Variants in ADAP1 observed in about 807,000 individuals in gnomAD.
The protein encoded by ADAP1 is ArfGAP with dual PH domains 1, also known as arf-GAP with dual PH domain-containing protein 1.
ADAP1 carries 31 observed loss-of-function variants against 54.9 expected under a neutral mutation model. The observed-to-expected ratio is 0.56, with a 90% CI of 0.42 to 0.76. ADAP1 has a LOEUF of 0.76. Among genes scored for constraint, ADAP1 ranks in the 30% least tolerant of loss-of-function variants. ADAP1 has a pLI of 0.00. For synonymous variants in ADAP1, 313 were observed against 202.6 expected (o/e 1.55, Z -4.63); for missense variants, 535 against 512.4 (o/e 1.04, Z -0.42).
At chr7:947,509 C>A (rs982567261) in intron 1 of ADAP1, among the ~76,000 whole-genome samples, 6 of 152,074 alleles carry the variant, frequency 3.9e-5, no homozygotes, top group African/African-American at 1.5e-4. Flanking sequence ...CAGGTCCCTC[C>A]CGTCTCCCTG....
intron 5 of ADAP1, 21 bp from the exon 6 acceptor site, chr7:904,293 A>C (rs752908412): frequency 6.4e-7 from 1 of 1,558,046 alleles, no homozygotes; most frequent in South Asian, 1.2e-5. Context: ...GTGGGGTCTA[A>C]GCACCTCACA....
At chr7:925,339 AG>A (rs952201069) in intron 3 of ADAP1, among the ~76,000 whole-genome samples, 1 of 138,472 alleles carries the variant, frequency 7.2e-6, no homozygotes, top group African/African-American at 2.7e-5. Flanking sequence ...TGGGCAATGT[AG>A]GGAGACCCCG....
intron 8 of ADAP1, 112 bp downstream of exon 8, chr7:899,990 C>G (rs769314165): frequency 1.4e-5 from 18 of 1,311,594 alleles, no homozygotes; most frequent in Admixed American, 1.8e-5. Context: ...TGAGGACCCA[C>G]CAGACACCAG....
At chr7:902,140 G>A (rs1489031198) in intron 6 of ADAP1, among the ~76,000 whole-genome samples, 1 of 151,188 alleles carries the variant, frequency 6.6e-6, no homozygotes, top group Non-Finnish European at 1.5e-5. Context: ...TGACCAACAT[G>A]GTGAAACCCG....
rs922432873 is a variant in ADAP1, at chr7:920,374, G to C, written c.306-324C>G. On this transcript the variant is annotated intron_variant, in intron 3 of 10. Transcript: ENST00000265846. The surrounding 1 kb of genome is among the most constrained non-coding windows in gnomAD (Gnocchi z 4.5). Reference sequence around the variant, plus strand: ...CCTTGGCCTCAGCTGATGCCCCACAGGGCTGGGGTACAGGGGTTGAGCCAG... The same window carrying C: ...CCTTGGCCTCAGCTGATGCCCCACACGGCTGGGGTACAGGGGTTGAGCCAG... 6.6e-5 allele frequency among the ~76,000 whole-genome samples: 10 copies of C among 152,090 alleles called. No individual in the cohort carries two copies. Among genetic ancestry groups the C allele is most frequent in the Non-Finnish European group, 1.2e-4 (8 of 67,990 alleles).
chr7:950,317 C>T (rs1217530301), intron 1 of ADAP1, among the ~76,000 whole-genome samples: 1 of 152,100 alleles, frequency 6.6e-6, no homozygotes, highest in Non-Finnish European at 1.5e-5. Context: ...AACCCCATCT[C>T]TACTAAAAAT....
In ADAP1 at chr7:926,360, G is replaced by GCGCCCCCCACCCCAGCGCCCCCCA. The variant is rs1368110845; in HGVS notation, c.305+192_305+193insTGGGGGGCGCTGGGGTGGGGGGCG. Among the ~76,000 whole-genome samples the GCGCCCCCCACCCCAGCGCCCCCCA allele has an allele frequency of 1.3e-5, 2 of 150,344 alleles. No homozygotes were observed. The highest frequency in any genetic ancestry group is 4.9e-5 in the African/African-American group (2 of 40,962). On this transcript the variant is annotated intron_variant, in intron 3 of 10. Transcript: ENST00000265846. The surrounding 1 kb of genome is among the most constrained non-coding windows in gnomAD (Gnocchi z 4.6). ...TCCCAGCCCCACCCCAGCGCCCCCC[G>GCGCCCCCCACCCCAGCGCCCCCCA]CCCCAGAACCAAAGCCCGGTGGTGG... is the stretch of plus-strand genomic sequence containing the variant.
Position 908,168 on chromosome 7 carries a change from G to A in ADAP1, c.389-2996C>T, listed in dbSNP as rs373440843. Among the ~76,000 whole-genome samples the A allele has an allele frequency of 6.6e-5, 10 of 152,134 alleles. No homozygotes were observed. In the East Asian group the frequency reaches 1.7e-3, roughly 26 times the overall value. On this transcript the variant is annotated intron_variant, in intron 4 of 10. Coordinates refer to ENST00000265846, the MANE Select transcript of ADAP1 (RefSeq NM_006869.4). ...CGCGAGGGGGCTGTGGGCTCCAGGCGGGGCTAAACAGCCCCCTGCAGCAGC... is the reference window on the plus strand; with the variant it reads ...CGCGAGGGGGCTGTGGGCTCCAGGCAGGGCTAAACAGCCCCCTGCAGCAGC...
At chr7:927,406 AGCCCCGAGG>A (rs1846427639) in intron 2 of ADAP1, 1 of 506,568 alleles carries the variant, frequency 2.0e-6, no homozygotes, top group Admixed American at 2.4e-5. Flanking sequence ...ACCCCACGCC[AGCCCCGAGG>A]GCATGGGAGA....
At chr7:899,594 C>T (rs1314736908) in intron 8 of ADAP1, 104 bp from the exon 9 acceptor site, 2 of 1,314,104 alleles carry the variant, frequency 1.5e-6, no homozygotes, top group African/African-American at 1.5e-5. Flanking sequence ...TGGCCCGGGT[C>T]AGTCACCTCC....
chr7:942,622 G>A (rs868865158), intron 1 of ADAP1, among the ~76,000 whole-genome samples: 1 of 27,352 alleles, frequency 3.7e-5, no homozygotes, highest in African/African-American at 1.3e-4. Flanking sequence ...AAGGGAGAGA[G>A]GAGGAGGAAG....
chr7:908,796 G>T (rs914612284), intron 4 of ADAP1, among the ~76,000 whole-genome samples: 5 of 152,238 alleles, frequency 3.3e-5, no homozygotes, highest in African/African-American at 9.6e-5. Context: ...GGCCTTGTGT[G>T]CACCCCGGGG....
chr7:918,626 A>AC (rs1846031069), intron 4 of ADAP1, among the ~76,000 whole-genome samples: 1 of 152,086 alleles, frequency 6.6e-6, no homozygotes, highest in African/African-American at 2.4e-5. Flanking sequence ...GCCCAGCAGC[A>AC]CCAAACATCC....
At chr7:912,450 G>A (rs977583433) in intron 4 of ADAP1, among the ~76,000 whole-genome samples, 11 of 152,286 alleles carry the variant, frequency 7.2e-5, no homozygotes, top group East Asian at 1.9e-4. Flanking sequence ...GGGGTGCGGC[G>A]CGTCCCCACG....
Position 900,651 on chromosome 7 carries a change from G to A in ADAP1, c.649-35C>T, listed in dbSNP as rs755739253. The A allele has an allele frequency of 9.4e-6, 14 of 1,494,324 alleles. No homozygotes were observed. The East Asian group carries it at 9.9e-5, about 11-fold the overall frequency. The allele number at this position is 1,494,324 out of a possible 1,614,324, so 92.6% of individuals were successfully genotyped here. ...AAGGTGGGCACAGGCTTGGGCTGAGGAGGCTGCAGCGCTGGGGTCCCCACA... is the reference window on the plus strand; with the variant it reads ...AAGGTGGGCACAGGCTTGGGCTGAGAAGGCTGCAGCGCTGGGGTCCCCACA... On this transcript the variant is annotated intron_variant, in intron 6 of 10. Transcript: ENST00000265846.
intron 3 of ADAP1, among the ~76,000 whole-genome samples, chr7:925,347 C>G (rs1407523347): frequency 7.1e-6 from 1 of 139,964 alleles, no homozygotes; most frequent in Non-Finnish European, 1.5e-5. Context: ...GTAGGGAGAC[C>G]CCGTCTCTAT....
chr7:914,359 G>C (rs906910639), intron 4 of ADAP1, among the ~76,000 whole-genome samples: 2 of 152,228 alleles, frequency 1.3e-5, no homozygotes, highest in African/African-American at 4.8e-5. Context: ...CCACTGCCGT[G>C]ATAAAGGGCT....
intron 4 of ADAP1, among the ~76,000 whole-genome samples, chr7:918,160 G>A (rs568561770): frequency 1.9e-3 from 286 of 152,260 alleles, no homozygotes; most frequent in African/African-American, 6.5e-3. Flanking sequence ...ACTGCTGACT[G>A]CAACGGATCC....
At chr7:900,240 G>C in intron 7 of ADAP1, 76 bp from the exon 8 acceptor site, 2 of 1,567,402 alleles carry the variant, frequency 1.3e-6, no homozygotes, top group Admixed American at 3.4e-5. Context: ...GTGCCCCTCT[G>C]TGCTCCCCTC....
Sources: gnomAD v4.1 joint callset for allele counts (sites outside exome capture counted in the v4.1 genomes callset) on GRCh38, gnomAD v4.1.1 for gene constraint, Gnocchi (gnomAD v3.1) non-coding constraint, MANE v1.5 for transcripts, NCBI Gene and HGNC (gene_info 2026-07-23, HGNC 2026-07-21) for gene names.